MRPL2: variants seen among roughly 807,000 people sequenced by gnomAD.
MRPL2 encodes the protein large ribosomal subunit protein uL2m.
MRPL2 carries 27 observed loss-of-function variants against 34.6 expected under a neutral mutation model. That is an observed-to-expected ratio of 0.78 (90% CI 0.58 to 1.08). The LOEUF is 1.08. Among genes scored for constraint, MRPL2 ranks in the 50% least tolerant of loss-of-function variants. The pLI, the probability that MRPL2 is intolerant of heterozygous loss-of-function variation, is 0.00. For synonymous variants in MRPL2, 155 were observed against 158.0 expected (o/e 0.98, Z 0.14); for missense variants, 414 against 419.3 (o/e 0.99, Z 0.11).
chr6:43,054,208 C>A lies in MRPL2; in HGVS notation c.*66G>T. 8.2e-7 allele frequency: 1 copy of A among 1,213,258 alleles called. No homozygotes were observed. The allele number at this position is 1,213,258 out of a possible 1,614,324, so 75.2% of individuals were successfully genotyped here. A position where few individuals can be genotyped will look rare whatever the true frequency, so the allele number is the denominator to read the frequency against. ...CAACAACAAAAAAAACAAAAAACACCCAAAACAAAACCACAGTAACAGATT... is the reference window on the plus strand; with the variant it reads ...CAACAACAAAAAAAACAAAAAACACACAAAACAAAACCACAGTAACAGATT... On this transcript the variant is annotated 3_prime_UTR_variant, in exon 7 of 7. Transcript: ENST00000388752.
At position 43,059,398 on chromosome 6, in the gene MRPL2, C is replaced by T. The variant is rs1765011290; in HGVS notation, c.-17G>A. ...CAGGGCCATCAGCACGACACCCTTACTTTTAGCCAAGCTGCTCGGTGCTCC... is the reference window on the plus strand; with the variant it reads ...CAGGGCCATCAGCACGACACCCTTATTTTTAGCCAAGCTGCTCGGTGCTCC... On this transcript the variant is annotated 5_prime_UTR_variant, in exon 1 of 7. Transcript: ENST00000388752. 1 of 1,531,614 alleles carries T rather than the reference C, an allele frequency of 6.5e-7. No individual in the cohort carries two copies. Among genetic ancestry groups the T allele is most frequent in the Non-Finnish European group, 8.8e-7 (1 of 1,133,834 alleles). 94.9% of individuals were successfully genotyped at this position (1,531,614 alleles called of 1,614,324 possible). A position where few individuals can be genotyped will look rare whatever the true frequency, so the allele number is the denominator to read the frequency against.
Position 43,056,165 on chromosome 6 carries a change from T to C in MRPL2, c.436A>G (p.Ser146Gly), listed in dbSNP as rs753195912. The change falls in exon 4 of 7, where the codon AGC becomes GGC. Residue 146 changes from serine to glycine, a missense_variant. Transcript: ENST00000388752. Reference sequence around the variant, plus strand: ...GTGGCGATGATCCAGCGTTTCCGGCTGCCCCCAGCAACCAGAGCTATGTCT... The same window carrying C: ...GTGGCGATGATCCAGCGTTTCCGGCCGCCCCCAGCAACCAGAGCTATGTCT... ...SADIALVAGG[S>G]RKRWIIATEN... 6.2e-6 allele frequency: 10 copies of C among 1,614,202 alleles called. No homozygotes were observed. The highest frequency in any genetic ancestry group is 7.6e-6 in the Non-Finnish European group (9 of 1,180,032).
At chr6:43,059,508 C>G, upstream of MRPL2, 1 of 1,439,930 alleles carries the variant, frequency 6.9e-7, no homozygotes, top group Non-Finnish European at 9.1e-7. Flanking sequence ...GCTGGATACA[C>G]ACCTCCTTTC....
intron 1 of MRPL2, among the ~76,000 whole-genome samples, chr6:43,058,792 T>C (rs1764975406): frequency 6.6e-6 from 1 of 152,222 alleles, no homozygotes; most frequent in Non-Finnish European, 1.5e-5. Flanking sequence ...CTGTTCTTGG[T>C]ATCTTGCCCT....
At chr6:43,054,561 G>T (rs112364528) in intron 6 of MRPL2, 75 bp from the exon 7 acceptor site, 1 of 1,331,360 alleles carries the variant, frequency 7.5e-7, no homozygotes, top group Non-Finnish European at 1.1e-6. Flanking sequence ...CACACCCTTG[G>T]GGGGCTTCTT....
Position 43,054,495 on chromosome 6 carries a change from G to GA in MRPL2, c.706-10dup. On this transcript the variant is annotated splice_polypyrimidine_tract_variant and intron_variant, in intron 6 of 6. Transcript: ENST00000388752. Reference sequence around the variant, plus strand: ...ACGCACGTTTCCAGCACCTGACAGAGAAAACAGATGGAGATTCTGTACAAT... The same window carrying GA: ...ACGCACGTTTCCAGCACCTGACAGAGAAAAACAGATGGAGATTCTGTACAAT... 6.2e-7 allele frequency: 1 copy of GA among 1,611,676 alleles called. No individual in the cohort carries two copies. Among genetic ancestry groups the GA allele is most frequent in the Non-Finnish European group, 8.5e-7 (1 of 1,178,074 alleles).
At chr6:43,058,589 G>A (rs535230023) in intron 1 of MRPL2, among the ~76,000 whole-genome samples, 1 of 152,282 alleles carries the variant, frequency 6.6e-6, no homozygotes, top group East Asian at 1.9e-4. Context: ...GGAGGGGAGG[G>A]GTCATTTCAC....
intron 1 of MRPL2, among the ~76,000 whole-genome samples, chr6:43,058,436 A>C (rs1278292272): frequency 2.6e-5 from 4 of 152,192 alleles, no homozygotes; most frequent in Non-Finnish European, 5.9e-5. Flanking sequence ...AATTTGGCTC[A>C]GAACTCTCCA....
chr6:43,055,594 T>C lies in MRPL2; in HGVS notation c.656A>G (p.Lys219Arg). 1.2e-6 allele frequency: 2 copies of C among 1,614,108 alleles called. No homozygotes were observed. Among genetic ancestry groups the C allele is most frequent in the Non-Finnish European group, 1.7e-6 (2 of 1,180,032 alleles). Residue 219 changes from lysine to arginine, a missense_variant, in exon 6 of 7, where the codon AAG becomes AGG. By Grantham distance (26) the Lys-to-Arg change is conservative (BLOSUM62 2). Transcript: ENST00000388752. ...AAGTCGVLLR[K>R]VNGTAIIQLP... ...CTGGATAATGGCTGTGCCATTCACC[T>C]TCCGCAGTAGCACACCACACGTCCC...
intron 6 of MRPL2, among the ~76,000 whole-genome samples, chr6:43,055,198 A>G (rs1764804391): frequency 6.6e-6 from 1 of 151,594 alleles, no homozygotes; most frequent in East Asian, 1.9e-4. Context: ...CCCCATCTCT[A>G]CTAAAACACA....
intron 1 of MRPL2, among the ~76,000 whole-genome samples, chr6:43,058,470 A>G (rs1360681958): frequency 6.6e-6 from 1 of 152,176 alleles, no homozygotes; most frequent in South Asian, 2.1e-4. Flanking sequence ...GTTTTTACCT[A>G]AACAATTCCC....
At chr6:43,056,035 G>C (rs563469143) in intron 4 of MRPL2, 28 bp from the exon 5 acceptor site, 8 of 1,614,116 alleles carry the variant, frequency 5.0e-6, no homozygotes, top group Non-Finnish European at 6.8e-6. Flanking sequence ...ATTAGCTCTA[G>C]AACTTTTGCT....
intron 2 of MRPL2, 91 bp from the exon 3 acceptor site, chr6:43,056,536 G>A: frequency 6.7e-7 from 1 of 1,499,524 alleles, no homozygotes; most frequent in South Asian, 1.2e-5. Context: ...CCAGAGAGCA[G>A]TGCTTAGCAT....
intron 1 of MRPL2, among the ~76,000 whole-genome samples, chr6:43,058,662 A>G (rs1049215233): frequency 1.3e-5 from 2 of 152,218 alleles, no homozygotes; most frequent in Admixed American, 1.3e-4. Context: ...AATTTTAAAC[A>G]TGCATCTCCC....
In MRPL2 at chr6:43,054,237, A is replaced by T; in HGVS notation, c.*37T>A. On this transcript the variant is annotated 3_prime_UTR_variant, in exon 7 of 7. Coordinates refer to ENST00000388752, the MANE Select transcript of MRPL2 (RefSeq NM_015950.5). ...AACAAAACCACAGTAACAGATTAAA[A>T]CGGGGGGGGGGGGCATTTTATTAGA... The T allele has an allele frequency of 8.2e-7, 1 of 1,225,038 alleles. No homozygotes were observed. The highest frequency in any genetic ancestry group is 1.1e-6 in the Non-Finnish European group (1 of 910,646). The allele number at this position is 1,225,038 out of a possible 1,614,324, so 75.9% of individuals were successfully genotyped here. A position where few individuals can be genotyped will look rare whatever the true frequency, so the allele number is the denominator to read the frequency against.
chr6:43,054,173 A>C lies in MRPL2; in HGVS notation c.*101T>G, dbSNP rs79913628. The C allele has an allele frequency of 6.3e-6, 5 of 798,150 alleles. No individual in the cohort carries two copies. The highest frequency in any genetic ancestry group is 3.0e-5 in the Admixed American group (1 of 33,684). 49.4% of individuals were successfully genotyped at this position (798,150 alleles called of 1,614,324 possible). On this transcript the variant is annotated 3_prime_UTR_variant, in exon 7 of 7. Transcript: ENST00000388752. ...TAGTCTGTACCATCCCCTCCCCCGC[A>C]AAAAAAAAACAACAACAAAAAAAAC...
chr6:43,059,662 G>A, upstream of MRPL2: 3 of 1,350,522 alleles, frequency 2.2e-6, no homozygotes, highest in Non-Finnish European at 2.8e-6. Context: ...CGGCAAGAGC[G>A]GCAGCCACAC....
chr6:43,058,657 T>G (rs1200421380), intron 1 of MRPL2, among the ~76,000 whole-genome samples: 1 of 152,222 alleles, frequency 6.6e-6, no homozygotes, highest in African/African-American at 2.4e-5. Context: ...ATTTGAATTT[T>G]AAACATGCAT....
intron 2 of MRPL2, among the ~76,000 whole-genome samples, 172 bp from the exon 3 acceptor site, chr6:43,056,617 G>C (rs1488480408): frequency 2.0e-5 from 3 of 152,078 alleles, no homozygotes; most frequent in Non-Finnish European, 4.4e-5. Context: ...CCAACATGAA[G>C]CTTGGTGAAA....
Sources: allele counts gnomAD v4.1 joint callset (sites outside exome capture counted in the v4.1 genomes callset), GRCh38; gene constraint gnomAD v4.1.1; transcripts MANE v1.5; gene names NCBI Gene and HGNC (gene_info 2026-07-23, HGNC 2026-07-21).